Variants in NCKAP5 observed in about 807,000 individuals in gnomAD.
NCKAP5 encodes nck-associated protein 5.
NCKAP5 carries 92 observed loss-of-function variants against 167.0 expected under a neutral mutation model. The observed-to-expected ratio is 0.55, with a 90% CI of 0.47 to 0.66. The LOEUF is 0.66. NCKAP5 is among the 30% of genes least tolerant of loss of function. The pLI, the probability that NCKAP5 is intolerant of heterozygous loss-of-function variation, is 0.00. For synonymous variants in NCKAP5, 891 were observed against 877.4 expected (o/e 1.02, Z -0.27); for missense variants, 2,378 against 2,315.0 (o/e 1.03, Z -0.56).
intron 2 of NCKAP5, among the ~76,000 whole-genome samples, chr2:133,526,181 A>AAGGAAGGG (rs1457617102): frequency 8.5e-5 from 10 of 117,588 alleles, no homozygotes; most frequent in African/African-American, 3.5e-4. Context: ...GGAAGGAAGG[A>AAGGAAGGG]AGGAAGGAAG....
chr2:133,607,806 C>T, the NCKAP5 span, among the ~76,000 whole-genome samples: 3 of 152,202 alleles, frequency 2.0e-5, no homozygotes, highest in Admixed American at 6.5e-5. Flanking sequence ...GCCATCACCA[C>T]TGACATTCCT....
At chr2:132,787,329 C>T (rs1683663437) in intron 13 of NCKAP5, among the ~76,000 whole-genome samples, 1 of 132,352 alleles carries the variant, frequency 7.6e-6, no homozygotes, top group African/African-American at 2.9e-5. Flanking sequence ...TCCCAGGTGA[C>T]AGAGCGAGAC....
chr2:132,846,701 G>A (rs1384110182), intron 11 of NCKAP5, among the ~76,000 whole-genome samples: 2 of 152,052 alleles, frequency 1.3e-5, no homozygotes, highest in Non-Finnish European at 2.9e-5. Context: ...TAGAAAAAAG[G>A]ATCCCTGGTT....
At chr2:133,215,181 TAG>T (rs2086374202) in intron 4 of NCKAP5, among the ~76,000 whole-genome samples, 1 of 152,170 alleles carries the variant, frequency 6.6e-6, no homozygotes, top group African/African-American at 2.4e-5. Context: ...GGAAGCCATG[TAG>T]AGAGGCCAAG....
intron 4 of NCKAP5, among the ~76,000 whole-genome samples, chr2:133,226,321 G>A (rs984373671): frequency 6.6e-6 from 1 of 152,238 alleles, no homozygotes; most frequent in South Asian, 2.1e-4. Flanking sequence ...AGTTGGAGGG[G>A]CTTTGCTAGG....
intron 19 of NCKAP5, among the ~76,000 whole-genome samples, chr2:132,696,980 C>T (rs538463294): frequency 7.2e-5 from 11 of 152,230 alleles, no homozygotes; most frequent in South Asian, 6.2e-4. Context: ...CTGGACTTCC[C>T]GGGCTCAAGC....
At chr2:133,511,206 T>C (rs962815485) in intron 3 of NCKAP5, among the ~76,000 whole-genome samples, 4 of 152,280 alleles carry the variant, frequency 2.6e-5, no homozygotes, top group South Asian at 2.1e-4. Flanking sequence ...TTGCTGCAGA[T>C]CTCCAATGGC....
intron 5 of NCKAP5, among the ~76,000 whole-genome samples, chr2:133,141,232 A>G (rs2082985273): frequency 6.6e-6 from 1 of 152,136 alleles, no homozygotes; most frequent in African/African-American, 2.4e-5. Context: ...CCAACTTCAT[A>G]TTCACATCTC....
Position 132,725,435 on chromosome 2 carries a change from TGAA to T in NCKAP5, c.5713+189_5713+191del, listed in dbSNP as rs1344649477. 9.8e-5 allele frequency among the ~76,000 whole-genome samples: 15 copies of T among 152,348 alleles called. No homozygotes were observed. The South Asian group carries it at 3.1e-3, about 32-fold the overall frequency. ...CCTTACAGACTGCACTGCAATGTCA[TGAA>T]GATTACACCAGAAAACAAATGGATG... On this transcript the variant is annotated intron_variant, in intron 19 of 19. Transcript: ENST00000409261.
chr2:133,607,107 C>T, the NCKAP5 span, among the ~76,000 whole-genome samples: 1 of 152,302 alleles, frequency 6.6e-6, no homozygotes, highest in African/African-American at 2.4e-5. Context: ...TCTAATGGCT[C>T]TTACAATTTA....
chr2:133,285,966 T>C (rs909219955), intron 4 of NCKAP5, among the ~76,000 whole-genome samples: 2 of 152,200 alleles, frequency 1.3e-5, no homozygotes, highest in African/African-American at 2.4e-5. Context: ...TTATCAAATT[T>C]ACTTGTAATT....
intron 11 of NCKAP5, among the ~76,000 whole-genome samples, chr2:132,818,710 G>A (rs1686477755): frequency 6.6e-6 from 1 of 151,740 alleles, no homozygotes; most frequent in African/African-American, 2.4e-5. Flanking sequence ...AAATTTGGAT[G>A]GAAAAAAAAT....
intron 3 of NCKAP5, among the ~76,000 whole-genome samples, chr2:133,331,027 T>A (rs2150724112): frequency 6.6e-6 from 1 of 152,292 alleles, no homozygotes; most frequent in South Asian, 2.1e-4. Flanking sequence ...ATTTCACAGA[T>A]CAAAAAATGA....
chr2:132,989,586 T>C (rs1258403782), intron 7 of NCKAP5, among the ~76,000 whole-genome samples: 1 of 152,184 alleles, frequency 6.6e-6, no homozygotes, highest in Non-Finnish European at 1.5e-5. Flanking sequence ...CATATGCTTG[T>C]CACTTCCTCA....
intron 3 of NCKAP5, among the ~76,000 whole-genome samples, chr2:133,399,611 G>C (rs1001494667): frequency 1.3e-5 from 2 of 152,048 alleles, no homozygotes; most frequent in African/African-American, 2.4e-5. Flanking sequence ...CCTTCAATAA[G>C]AACAACTTTA....
the NCKAP5 span, among the ~76,000 whole-genome samples, chr2:133,646,360 A>G: frequency 1.3e-5 from 2 of 152,276 alleles, no homozygotes; most frequent in South Asian, 2.1e-4. Flanking sequence ...CTTGTCACAT[A>G]CAAGGGAAAC....
chr2:133,478,204 G>A (rs924898699), intron 3 of NCKAP5, among the ~76,000 whole-genome samples: 1 of 152,156 alleles, frequency 6.6e-6, no homozygotes, highest in African/African-American at 2.4e-5. Flanking sequence ...AATCTCACCT[G>A]GTTCCAATCA....
rs751290520 is a variant in NCKAP5 at position 132,672,102 on chromosome 2, AAC to A, written c.*1185_*1186del. 11 of 152,610 alleles carry A rather than the reference AAC, an allele frequency of 7.2e-5. No homozygotes were observed. Among genetic ancestry groups the A allele is most frequent in the African/African-American group, 1.4e-4 (6 of 41,438 alleles). 9.5% of individuals were successfully genotyped at this position (152,610 alleles called of 1,614,324 possible). A position where few individuals can be genotyped will look rare whatever the true frequency, so the allele number is the denominator to read the frequency against. On this transcript the variant is annotated 3_prime_UTR_variant, in exon 20 of 20. Coordinates refer to ENST00000409261, the MANE Select transcript of NCKAP5 (RefSeq NM_207363.3). The stretch of plus-strand genomic sequence containing the variant: ...AAAATAGAATTTATCCTTACATATA[AAC>A]AGTCTTTGTAGAAAAAAAAGGATAT...
chr2:133,382,138 C>T (rs1049377006), intron 3 of NCKAP5, among the ~76,000 whole-genome samples: 1 of 152,192 alleles, frequency 6.6e-6, no homozygotes, highest in African/African-American at 2.4e-5. Flanking sequence ...GGGCTGAAAG[C>T]TAAGAGTCAT....
Sources: allele counts gnomAD v4.1 joint callset (sites outside exome capture counted in the v4.1 genomes callset), GRCh38; gene constraint gnomAD v4.1.1; transcripts MANE v1.5; gene names NCBI Gene and HGNC (gene_info 2026-07-23, HGNC 2026-07-21).